The following TINF2 variants were observed in gnomAD, a reference collection of about 807,000 sequenced individuals.
TINF2 encodes the protein TERF1 interacting nuclear factor 2, also known as TERF1-interacting nuclear factor 2.
In TINF2, 27 loss-of-function variants were observed where a neutral mutation model predicts 50.4. The ratio of observed to expected loss-of-function variants is 0.54; its 90% CI spans 0.40 to 0.74. The LOEUF (loss-of-function observed/expected upper bound fraction) is 0.74, where lower values mean the gene tolerates loss of function less well. TINF2 is among the 30% of genes least tolerant of loss of function. The pLI, the probability that TINF2 is intolerant of heterozygous loss-of-function variation, is 0.00. For missense variants in TINF2, 496 were observed against 551.5 expected, an observed-to-expected ratio of 0.90 and a Z score of 1.01; for synonymous variants, 223 against 214.6, an observed-to-expected ratio of 1.04 and a Z score of -0.34.
At chr14:24,242,668 G>A (rs2040606988), upstream of TINF2, 1 of 1,163,010 alleles carries the variant, frequency 8.6e-7, no homozygotes, top group Non-Finnish European at 1.1e-6. Flanking sequence ...GAAAAGGGCG[G>A]TAAGAGGGAG....
rs746984199 is a variant in TINF2 at position 24,241,685 on chromosome 14, G to A, written c.389C>T (p.Ser130Leu). Residue 130 changes from serine (S) to leucine (L), a missense_variant, in exon 3 of 9, where the codon TCG becomes TTG. Coordinates refer to ENST00000267415, the MANE Select transcript of TINF2 (RefSeq NM_001099274.3). ...QLSEAPVDLA[S>L]KLQELEQEYG... ...TCAAACCAGTCTCACCTGCAGCTTC[G>A]AGGCCAAATCCACAGGAGCCTCTGA... 8 of 1,610,934 alleles carry A rather than the reference G, an allele frequency of 5.0e-6. No individual in the cohort carries two copies. In the East Asian group the frequency reaches 8.9e-5, roughly 18 times the overall value.
At chr14:24,241,178 C>T (rs2139000692) in intron 4 of TINF2, 26 bp downstream of exon 4, 2 of 1,614,156 alleles carry the variant, frequency 1.2e-6, no homozygotes, top group South Asian at 1.1e-5. Flanking sequence ...CACACTCTGC[C>T]CTTACATGTT....
chr14:24,241,792 A>C lies in TINF2; in HGVS notation c.298-16T>G, dbSNP rs764465133. On this transcript the variant is annotated splice_polypyrimidine_tract_variant and intron_variant, in intron 2 of 8. Transcript: ENST00000267415. Reference sequence around the variant, plus strand: ...CCTGCTTTGTCTGTTGAGGATACAGAAGACAGAGAAGTTAGCACCAACATC... The same window carrying C: ...CCTGCTTTGTCTGTTGAGGATACAGCAGACAGAGAAGTTAGCACCAACATC... 1.2e-6 allele frequency: 2 copies of C among 1,613,700 alleles called. No homozygotes were observed. Among genetic ancestry groups the C allele is most frequent in the South Asian group, 2.2e-5 (2 of 91,004 alleles).
At position 24,240,826 on chromosome 14, in the gene TINF2, A is replaced by G; in HGVS notation, c.654T>C (p.Asn218=). The G allele has an allele frequency of 6.2e-7, 1 of 1,613,862 alleles. No individual in the cohort carries two copies. Among genetic ancestry groups the G allele is most frequent in the Non-Finnish European group, 8.5e-7 (1 of 1,180,002 alleles). The change falls in exon 6 of 9, where the codon AAT becomes AAC. Residue 218 remains asparagine, a synonymous_variant. Coordinates refer to ENST00000267415, the MANE Select transcript of TINF2 (RefSeq NM_001099274.3). The part of the protein sequence containing the change: ...SVNLAEPMEQ[N]PPQQQRLALH... ...GTGCTAGTCTTTGTTGCTGAGGAGG[A>G]TTCTGTTCCATGGGCTCAGCCAGGT...
At chr14:24,240,943 C>A (rs192783373) in intron 5 of TINF2, 68 bp from the exon 6 acceptor site, 3 of 1,613,640 alleles carry the variant, frequency 1.9e-6, no homozygotes, top group Non-Finnish European at 2.5e-6. Flanking sequence ...TTCTTATGCC[C>A]GGAGCCCATG....
In TINF2 at chr14:24,240,670, G is replaced by C; in HGVS notation, c.810C>G (p.Ser270=). The stretch of plus-strand genomic sequence containing the variant: ...GGCCTCCCCTAGTGGAGGCCCATTG[G>C]GACTGAACTCTTCGTCGGCCTAGAG... ...LAPLGRRRVQ[S]QWASTRGGHK... The change falls in exon 6 of 9, where the codon TCC becomes TCG. Residue 270 remains serine, a synonymous_variant. Transcript: ENST00000267415. The C allele has an allele frequency of 6.2e-7, 1 of 1,614,162 alleles. No homozygotes were observed. Among genetic ancestry groups the C allele is most frequent in the South Asian group, 1.1e-5 (1 of 91,084 alleles).
In TINF2 at chr14:24,240,584, A is replaced by C. The variant is rs1050040349; in HGVS notation, c.896T>G (p.Val299Gly). 1.2e-6 allele frequency: 2 copies of C among 1,614,068 alleles called. No homozygotes were observed. The highest frequency in any genetic ancestry group is 2.2e-5 in the South Asian group (2 of 91,084). The stretch of plus-strand genomic sequence containing the variant: ...TTCCTTGCTCTCAGGCTTAGATATG[A>C]CCTGGGTTGGTGAGCCGAGATTCCT... Reference protein sequence around the residue: ...PFRNLGSPTQVISKPESKEEH... With the variant: ...PFRNLGSPTQGISKPESKEEH... The change falls in exon 6 of 9, where the codon GTC becomes GGC. Residue 299 changes from valine to glycine, a missense_variant. This residue lies in a region of TINF2 where 179 missense variants were observed against 188.3 expected (regional missense o/e 0.95). Transcript: ENST00000267415.
intron 3 of TINF2, 173 bp downstream of exon 3, chr14:24,241,502 A>G: frequency 1.3e-6 from 1 of 798,468 alleles, no homozygotes; most frequent in Non-Finnish European, 2.1e-6. Context: ...TTGTAATCCC[A>G]GCTACTCGGG....
At position 24,240,892 on chromosome 14, in the gene TINF2, G is replaced by A. The variant is rs371153453; in HGVS notation, c.605-17C>T. On this transcript the variant is annotated splice_polypyrimidine_tract_variant and intron_variant, in intron 5 of 8. Coordinates refer to ENST00000267415, the MANE Select transcript of TINF2 (RefSeq NM_001099274.3). Reference sequence around the variant, plus strand: ...CAGAGCACTCTGAAAAAGAAAATGAGGCCCCTTATAAAGAGAACAGATAGT... The same window carrying A: ...CAGAGCACTCTGAAAAAGAAAATGAAGCCCCTTATAAAGAGAACAGATAGT... 6.8e-5 allele frequency: 109 copies of A among 1,613,956 alleles called. No individual in the cohort carries two copies. The highest frequency in any genetic ancestry group is 8.6e-5 in the Non-Finnish European group (102 of 1,180,040).
chr14:24,242,357 G>T lies in TINF2; in HGVS notation c.-25C>A. The T allele has an allele frequency of 1.2e-6, 2 of 1,605,416 alleles. No individual in the cohort carries two copies. Among genetic ancestry groups the T allele is most frequent in the Non-Finnish European group, 8.5e-7 (1 of 1,177,084 alleles). On this transcript the variant is annotated 5_prime_UTR_variant, in exon 1 of 9. Transcript: ENST00000267415. ...TGGTCGGCGGGCTCCGCCCGGAGGC[G>T]GTCCCTCCGGGTTCCTCACCCGGAT...
At position 24,240,158 on chromosome 14, in the gene TINF2, G is replaced by C; in HGVS notation, c.1130-3C>G. The C allele has an allele frequency of 6.2e-7, 1 of 1,614,064 alleles. No individual in the cohort carries two copies. The highest frequency in any genetic ancestry group is 1.3e-5 in the African/African-American group (1 of 75,014). On this transcript the variant is annotated splice_polypyrimidine_tract_variant and splice_region_variant and intron_variant, in intron 7 of 8. Transcript: ENST00000267415. The stretch of plus-strand genomic sequence containing the variant: ...GCTGCACAGAGACGGAGGACACACT[G>C]TAGGAGGGAAACCAGAATCAAACTA...
Position 24,240,680 on chromosome 14 carries a change from C to T in TINF2, c.800G>A (p.Arg267Lys). 6.2e-7 allele frequency: 1 copy of T among 1,614,024 alleles called. No individual in the cohort carries two copies. Among genetic ancestry groups the T allele is most frequent in the East Asian group, 2.2e-5 (1 of 44,890 alleles). ...AGTGGAGGCCCATTGGGACTGAACT[C>T]TTCGTCGGCCTAGAGGGGCCAGATT... ...HFNLAPLGRR[R>K]VQSQWASTRG... The change falls in exon 6 of 9, where the codon AGA (arginine) becomes AAA (lysine). Residue 267 changes from arginine (R) to lysine (K), a missense_variant. Transcript: ENST00000267415.
rs2040583899 is a variant in TINF2 at position 24,241,724 on chromosome 14, T to C, written c.350A>G (p.Gln117Arg). 1.9e-6 allele frequency: 3 copies of C among 1,613,404 alleles called. No individual in the cohort carries two copies. The highest frequency in any genetic ancestry group is 2.5e-6 in the Non-Finnish European group (3 of 1,179,732). The change falls in exon 3 of 9, where the codon CAG becomes CGG. Residue 117 changes from glutamine (Q) to arginine (R), a missense_variant. Coordinates refer to ENST00000267415, the MANE Select transcript of TINF2 (RefSeq NM_001099274.3). ...ILEAQETFYQ[Q>R]VKQLSEAPVD... ...AGGAGCCTCTGACAGCTGCTTCACC[T>C]GCTGGTAAAAAGTTTCCTGTGCCTC...
Position 24,241,781 on chromosome 14 carries a change from T to C in TINF2, c.298-5A>G. ...CTTCCTCAGATCCTGCTTTGTCTGTTGAGGATACAGAAGACAGAGAAGTTA... is the reference window on the plus strand; with the variant it reads ...CTTCCTCAGATCCTGCTTTGTCTGTCGAGGATACAGAAGACAGAGAAGTTA... On this transcript the variant is annotated splice_region_variant and splice_polypyrimidine_tract_variant and intron_variant, in intron 2 of 8. Coordinates refer to ENST00000267415, the MANE Select transcript of TINF2 (RefSeq NM_001099274.3). The C allele has an allele frequency of 6.2e-7, 1 of 1,613,846 alleles. No individual in the cohort carries two copies. Among genetic ancestry groups the C allele is most frequent in the Non-Finnish European group, 8.5e-7 (1 of 1,179,886 alleles).
chr14:24,242,513 G>A lies in TINF2; in HGVS notation c.-181C>T. 7.0e-7 allele frequency: 1 copy of A among 1,429,656 alleles called. No individual in the cohort carries two copies. The highest frequency in any genetic ancestry group is 9.1e-7 in the Non-Finnish European group (1 of 1,097,622). The allele number at this position is 1,429,656 out of a possible 1,614,324, so 88.6% of individuals were successfully genotyped here. Reference sequence around the variant, plus strand: ...TCGGCCCCCAGAATTCTGGGGGAGGGGGTCTTCTGGCTCGGGCTGGAGGAG... The same window carrying A: ...TCGGCCCCCAGAATTCTGGGGGAGGAGGTCTTCTGGCTCGGGCTGGAGGAG... On this transcript the variant is annotated 5_prime_UTR_variant, in exon 1 of 9. Transcript: ENST00000267415.
chr14:24,242,108 C>CT (rs2040593687), intron 1 of TINF2, 33 bp downstream of exon 1: 1 of 1,614,248 alleles, frequency 6.2e-7, no homozygotes, highest in Non-Finnish European at 8.5e-7. Flanking sequence ...CCCTTTCTTT[C>CT]TTTCCCCTTC....
At position 24,242,546 on chromosome 14, in the gene TINF2, G is replaced by A; in HGVS notation, c.-214C>T. On this transcript the variant is annotated 5_prime_UTR_variant, in exon 1 of 9. Transcript: ENST00000267415. ...TGGCTCGGGCTGGAGGAGCCTGAGT[G>A]GAGAAGCTGACCGTCTCCAGTGGCA... 7.1e-7 allele frequency: 1 copy of A among 1,413,550 alleles called. No individual in the cohort carries two copies. The highest frequency in any genetic ancestry group is 9.2e-7 in the Non-Finnish European group (1 of 1,087,610). The allele number at this position is 1,413,550 out of a possible 1,614,324, so 87.6% of individuals were successfully genotyped here.
Position 24,242,336 on chromosome 14 carries a change from C to T in TINF2, c.-4G>A. 2 of 1,610,546 alleles carry T rather than the reference C, an allele frequency of 1.2e-6. No individual in the cohort carries two copies. Among genetic ancestry groups the T allele is most frequent in the Non-Finnish European group, 1.7e-6 (2 of 1,178,716 alleles). ...CCGCCACCAGGGGCGTAGCCATGGT[C>T]GGCGGGCTCCGCCCGGAGGCGGTCC... On this transcript the variant is annotated 5_prime_UTR_variant, in exon 1 of 9. Transcript: ENST00000267415.
In TINF2 at chr14:24,239,872, T is replaced by C. The variant is rs2040528048; in HGVS notation, c.1281A>G (p.Glu427=). The C allele has an allele frequency of 1.2e-6, 2 of 1,614,164 alleles. No homozygotes were observed. Among genetic ancestry groups the C allele is most frequent in the Non-Finnish European group, 1.7e-6 (2 of 1,180,020 alleles). Residue 427 remains glutamate (E), a synonymous_variant, in exon 9 of 9, where the codon GAA becomes GAG. Transcript: ENST00000267415. ...KFDTLIPTLC[E]YLPPSGHGAI... Reference sequence around the variant, plus strand: ...CACCGTGGCCAGAAGGGGGTAGGTATTCACAGAGAGTGGGTATCAAGGTGT... The same window carrying C: ...CACCGTGGCCAGAAGGGGGTAGGTACTCACAGAGAGTGGGTATCAAGGTGT...
Sources: gnomAD v4.1 joint callset for allele counts on GRCh38, gnomAD v4.1.1 for gene constraint, gnomAD v4.1.1 regional missense constraint, MANE v1.5 for transcripts, NCBI Gene and HGNC (gene_info 2026-07-23, HGNC 2026-07-21) for gene names.